Variants in ZBTB16 observed in about 807,000 individuals in gnomAD.
ZBTB16 encodes the protein zinc finger and BTB domain-containing protein 16.
A neutral mutation model predicts 56.8 loss-of-function variants in ZBTB16; 8 were observed. That is an observed-to-expected ratio of 0.14 (90% confidence interval 0.08 to 0.25). ZBTB16 has a LOEUF of 0.25. Among genes scored for constraint, ZBTB16 ranks in the 10% least tolerant of loss-of-function variants. The pLI is 1.00. For synonymous variants in ZBTB16, 363 were observed against 368.5 expected (o/e 0.98, Z 0.17); for missense variants, 625 against 903.0 (o/e 0.69, Z 3.95).
chr11:114,150,312 C>G (rs886710991), intron 2 of ZBTB16, among the ~76,000 whole-genome samples: 2 of 152,108 alleles, frequency 1.3e-5, no homozygotes, highest in Non-Finnish European at 2.9e-5. Flanking sequence ...TTAGAGTATT[C>G]CTTTTACACA....
intron 2 of ZBTB16, among the ~76,000 whole-genome samples, chr11:114,138,989 C>A (rs750750826): frequency 6.6e-6 from 1 of 152,154 alleles, no homozygotes; most frequent in Non-Finnish European, 1.5e-5. Flanking sequence ...CTGTGCCTGG[C>A]CTACTCCCTT....
intron 2 of ZBTB16, 82 bp from the exon 3 acceptor site, chr11:114,156,255 C>T: frequency 7.0e-7 from 1 of 1,428,312 alleles, no homozygotes; most frequent in Non-Finnish European, 9.8e-7. Context: ...AGAGGGATGG[C>T]TGCCAAGCCC....
rs1944972249 is a variant in ZBTB16 at position 114,254,735 on chromosome 11, C to T, written c.*4180C>T. ...CCATCATACCTCCTCCTTCCTGGAG[C>T]CTCTGCCGGCTTGGCTGTAATGGTG... On this transcript the variant is annotated 3_prime_UTR_variant, in exon 7 of 7. Coordinates refer to ENST00000335953, the MANE Select transcript of ZBTB16 (RefSeq NM_006006.6). 6.6e-6 allele frequency among the ~76,000 whole-genome samples: 1 copy of T among 152,242 alleles called. No individual in the cohort carries two copies. The highest frequency in any genetic ancestry group is 1.5e-5 in the Non-Finnish European group (1 of 68,052).
chr11:114,207,110 A>G (rs1943894901), intron 4 of ZBTB16, among the ~76,000 whole-genome samples: 1 of 152,162 alleles, frequency 6.6e-6, no homozygotes. Flanking sequence ...GCTTGGCCTC[A>G]TGTGTTACAT....
chr11:114,243,815 T>C (rs1050845556), intron 5 of ZBTB16, among the ~76,000 whole-genome samples: 1 of 152,300 alleles, frequency 6.6e-6, no homozygotes, highest in Admixed American at 6.5e-5. Context: ...ACTTGAATGA[T>C]CTCAGTCCTG....
chr11:114,144,596 CA>C (rs1942049912), intron 2 of ZBTB16, among the ~76,000 whole-genome samples: 2 of 152,344 alleles, frequency 1.3e-5, no homozygotes, highest in East Asian at 3.9e-4. Context: ...TGTGGGACAC[CA>C]TGCCCACTCT....
chr11:114,190,821 C>G (rs148774699), intron 4 of ZBTB16, among the ~76,000 whole-genome samples: 1 of 151,980 alleles, frequency 6.6e-6, no homozygotes, highest in African/African-American at 2.4e-5. Flanking sequence ...TGTATTAAGC[C>G]GTTCTTGCAT....
At chr11:114,195,610 C>G (rs952721433) in intron 4 of ZBTB16, among the ~76,000 whole-genome samples, 2 of 152,162 alleles carry the variant, frequency 1.3e-5, no homozygotes, top group Admixed American at 1.3e-4. Context: ...GTCAGAGTGT[C>G]AAGTGCAGGG....
chr11:114,135,020 C>G (rs1329430681), intron 2 of ZBTB16, among the ~76,000 whole-genome samples: 1 of 152,166 alleles, frequency 6.6e-6, no homozygotes, highest in African/African-American at 2.4e-5. Flanking sequence ...ATGGAAGATG[C>G]AAGAATGCAT....
At chr11:114,161,047 T>C (rs1379617798) in intron 3 of ZBTB16, among the ~76,000 whole-genome samples, 3 of 152,198 alleles carry the variant, frequency 2.0e-5, no homozygotes, top group African/African-American at 4.8e-5. Flanking sequence ...GATCTGGCAT[T>C]GAAGCATCTG....
chr11:114,199,420 C>A (rs934871427), intron 4 of ZBTB16, among the ~76,000 whole-genome samples: 2 of 152,186 alleles, frequency 1.3e-5, no homozygotes, highest in African/African-American at 4.8e-5. Flanking sequence ...GGATGCTGGG[C>A]CCCGGGATGG....
In ZBTB16 at chr11:114,059,835, C is replaced by T. The variant is rs1419760629; in HGVS notation, c.-138C>T. 2 of 397,958 alleles carry T rather than the reference C, an allele frequency of 5.0e-6. No homozygotes were observed. The highest frequency in any genetic ancestry group is 8.9e-6 in the Non-Finnish European group (2 of 225,784). 24.7% of individuals were successfully genotyped at this position (397,958 alleles called of 1,614,324 possible). A position where few individuals can be genotyped will look rare whatever the true frequency, so the allele number is the denominator to read the frequency against. On this transcript the variant is annotated 5_prime_UTR_variant, in exon 1 of 7. Coordinates refer to ENST00000335953, the MANE Select transcript of ZBTB16 (RefSeq NM_006006.6). The surrounding 1 kb of genome is among the most constrained non-coding windows in gnomAD (Gnocchi z 5.3). ...ACCCCTCCCCGACACAGGCACACAC[C>T]CCCCGACAGGCACGCACACCCACCC...
chr11:114,192,197 T>A (rs1943511440), intron 4 of ZBTB16, among the ~76,000 whole-genome samples: 1 of 152,168 alleles, frequency 6.6e-6, no homozygotes, highest in Non-Finnish European at 1.5e-5. Flanking sequence ...GCATGGCTTC[T>A]CTCTTCAGCA....
intron 2 of ZBTB16, among the ~76,000 whole-genome samples, chr11:114,135,927 A>G (rs1188704399): frequency 6.6e-6 from 1 of 152,208 alleles, no homozygotes; most frequent in African/African-American, 2.4e-5. Context: ...TTCAGCTCAA[A>G]GGAAAGAACA....
chr11:114,166,237 TGTGTG>T lies in ZBTB16; in HGVS notation c.1366+9804_1366+9808del, dbSNP rs1942753785. 6.1e-5 allele frequency among the ~76,000 whole-genome samples: 9 copies of T among 148,520 alleles called. 1 individual carries two copies. The Middle Eastern group carries it at 0.024, about 401-fold the overall frequency. On this transcript the variant is annotated intron_variant, in intron 3 of 6. Transcript: ENST00000335953. ...GTGTGTGTGTGTGTGTGTGTGTGTG[TGTGTG>T]TGTGTAACCATGAGGGAGAGGGGGC...
intron 4 of ZBTB16, among the ~76,000 whole-genome samples, chr11:114,230,478 G>A (rs561114838): frequency 6.6e-6 from 1 of 152,062 alleles, no homozygotes; most frequent in Admixed American, 6.5e-5. Flanking sequence ...ATTGTGTGCC[G>A]TACAGTACGG....
At chr11:114,141,135 G>T (rs938949580) in intron 2 of ZBTB16, among the ~76,000 whole-genome samples, 2 of 152,228 alleles carry the variant, frequency 1.3e-5, no homozygotes, top group African/African-American at 4.8e-5. Flanking sequence ...CTGAAGGCTT[G>T]CCCGGCGGGG....
chr11:114,104,131 T>C (rs1444631689), intron 2 of ZBTB16, among the ~76,000 whole-genome samples: 1 of 152,188 alleles, frequency 6.6e-6, no homozygotes, highest in Non-Finnish European at 1.5e-5. Context: ...TCTACAATGG[T>C]GCATTTGGAT....
At chr11:114,164,474 A>T (rs1372858796) in intron 3 of ZBTB16, among the ~76,000 whole-genome samples, 1 of 152,194 alleles carries the variant, frequency 6.6e-6, no homozygotes, top group Non-Finnish European at 1.5e-5. Flanking sequence ...TGCTCCTGCC[A>T]TCCTTCCTAC....
Sources: gnomAD v4.1 joint callset for allele counts (sites outside exome capture counted in the v4.1 genomes callset) on GRCh38, gnomAD v4.1.1 for gene constraint, Gnocchi (gnomAD v3.1) non-coding constraint, MANE v1.5 for transcripts, NCBI Gene and HGNC (gene_info 2026-07-23, HGNC 2026-07-21) for gene names.